Variants in SNX25 observed in about 807,000 individuals in gnomAD.
SNX25 encodes sorting nexin-25.
A neutral mutation model predicts 113.7 loss-of-function variants in SNX25; 62 were observed. The ratio of observed to expected loss-of-function variants is 0.55; its 90% CI spans 0.44 to 0.67. The LOEUF is 0.67. SNX25 is among the 30% of genes least tolerant of loss of function. SNX25 has a pLI of 0.00. For synonymous variants in SNX25, 421 were observed against 436.2 expected (o/e 0.97, Z 0.43); for missense variants, 1,014 against 1,161.0 (o/e 0.87, Z 1.84).
At chr4:185,231,740 T>G (rs530294533) in intron 1 of SNX25, among the ~76,000 whole-genome samples, 1 of 151,984 alleles carries the variant, frequency 6.6e-6, no homozygotes, top group African/African-American at 2.4e-5. Context: ...GGATTTATTC[T>G]TTGAATGTCA....
At chr4:185,293,094 A>G (rs1185054957) in intron 6 of SNX25, among the ~76,000 whole-genome samples, 2 of 152,254 alleles carry the variant, frequency 1.3e-5, no homozygotes, top group Non-Finnish European at 2.9e-5. Context: ...CCCAGTTGAA[A>G]CTAACACAGG....
intron 5 of SNX25, among the ~76,000 whole-genome samples, chr4:185,273,251 T>G (rs955844587): frequency 2.6e-5 from 4 of 152,206 alleles, no homozygotes; most frequent in African/African-American, 9.7e-5. Context: ...CCAATAAAAA[T>G]TCTGTATATT....
intron 5 of SNX25, among the ~76,000 whole-genome samples, chr4:185,284,637 T>C (rs12641710): frequency 0.37 from 56,264 of 151,850 alleles, 11,354 homozygotes; most frequent in East Asian, 0.56. Context: ...GAAGGGAACG[T>C]AGGCAGGAAT....
intron 1 of SNX25, among the ~76,000 whole-genome samples, chr4:185,212,489 G>GTTTT (rs1414842289): frequency 0.011 from 477 of 43,308 alleles, 9 homozygotes; most frequent in African/African-American, 0.031. Flanking sequence ...GTGTGTGTGT[G>GTTTT]TGTTTTTTTT....
intron 2 of SNX25, among the ~76,000 whole-genome samples, chr4:185,256,689 T>C (rs1746487387): frequency 6.8e-6 from 1 of 147,778 alleles, no homozygotes; most frequent in Admixed American, 7.0e-5. Flanking sequence ...GCAGTGGCGC[T>C]GTCTTGACTC....
At chr4:185,333,635 CAAAGAAAAAGCAAA>C (rs2095210861) in intron 10 of SNX25, among the ~76,000 whole-genome samples, 1 of 151,894 alleles carries the variant, frequency 6.6e-6, no homozygotes, top group African/African-American at 2.4e-5. Context: ...TTTTCTTTAA[CAAAGAAAAAGCAAA>C]AAAGAAGAAG....
Position 185,353,523 on chromosome 4 carries a change from T to C in SNX25, c.2505T>C (p.Gly835=). The change falls in exon 15 of 19, where the codon GGT becomes GGC. Residue 835 remains glycine, a synonymous_variant. Transcript: ENST00000652585. ...AGGACAGTGACCTGTCAGATTATGG[T>C]GATGATGTGGATGGGAGGAAAGACG... ...TEEDSDLSDY[G]DDVDGRKDAL... is the part of the protein sequence containing the mutation. 6.2e-7 allele frequency: 1 copy of C among 1,614,144 alleles called. No homozygotes were observed. The highest frequency in any genetic ancestry group is 8.5e-7 in the Non-Finnish European group (1 of 1,180,020).
chr4:185,205,818 G>C (rs995137842), upstream of SNX25, among the ~76,000 whole-genome samples: 4 of 152,110 alleles, frequency 2.6e-5, no homozygotes, highest in Non-Finnish European at 4.4e-5. Flanking sequence ...GACAGAGCAA[G>C]CCCCTGTCTC....
chr4:185,326,565 T>G (rs1466482267), intron 9 of SNX25, among the ~76,000 whole-genome samples: 1 of 152,214 alleles, frequency 6.6e-6, no homozygotes, highest in Admixed American at 6.5e-5. Context: ...TAATTACTAC[T>G]GATAACATAC....
intron 14 of SNX25, 53 bp downstream of exon 14, chr4:185,351,662 AGCTCATGCTCCTCAT>A: frequency 1.3e-5 from 20 of 1,577,536 alleles, no homozygotes; most frequent in Non-Finnish European, 1.7e-5. Context: ...GCAGATACTA[AGCTCATGCTCCTCAT>A]GGGGGGAAGC....
chr4:185,212,491 G>GTGTTTTTGTT (rs546083196), intron 1 of SNX25, among the ~76,000 whole-genome samples: 16 of 104,938 alleles, frequency 1.5e-4, no homozygotes, highest in Non-Finnish European at 2.4e-4. Flanking sequence ...GTGTGTGTGT[G>GTGTTTTTGTT]TTTTTTTTTT....
chr4:185,254,411 C>T (rs1478232094), intron 2 of SNX25, among the ~76,000 whole-genome samples: 2 of 152,076 alleles, frequency 1.3e-5, no homozygotes, highest in Non-Finnish European at 2.9e-5. Flanking sequence ...GAGACCCAGG[C>T]GTGGACTTTC....
downstream of SNX25, among the ~76,000 whole-genome samples, chr4:185,372,490 A>C (rs2095419276): frequency 6.6e-6 from 1 of 152,254 alleles, no homozygotes; most frequent in Non-Finnish European, 1.5e-5. Context: ...GATTTGGCAT[A>C]GAACATGTAG....
At chr4:185,213,666 G>C (rs905873565) in intron 1 of SNX25, among the ~76,000 whole-genome samples, 59 of 152,246 alleles carry the variant, frequency 3.9e-4, no homozygotes, top group African/African-American at 1.2e-3. Context: ...CTGAGCCTCA[G>C]ATTTACTAGC....
chr4:185,247,242 TGTGA>T, intron 1 of SNX25, 48 bp from the exon 2 acceptor site: 1 of 1,210,280 alleles, frequency 8.3e-7, no homozygotes. Context: ...TTTTTTTTTA[TGTGA>T]TTTATTCATT....
At chr4:185,228,736 T>A (rs1158590552) in intron 1 of SNX25, among the ~76,000 whole-genome samples, 1 of 152,010 alleles carries the variant, frequency 6.6e-6, no homozygotes, top group African/African-American at 2.4e-5. Flanking sequence ...GATAAAAGGT[T>A]TGGAAAAAAC....
intron 10 of SNX25, among the ~76,000 whole-genome samples, chr4:185,339,055 T>C (rs75161522): frequency 0.034 from 5,219 of 152,280 alleles, 230 homozygotes; most frequent in African/African-American, 0.1. Flanking sequence ...AGATTGCTTT[T>C]GGTAGTACTG....
chr4:185,311,318 C>G (rs2095028322), intron 7 of SNX25, among the ~76,000 whole-genome samples: 1 of 152,204 alleles, frequency 6.6e-6, no homozygotes, highest in East Asian at 1.9e-4. Context: ...AAACCCAGAT[C>G]TGACTGGTTT....
the SNX25 span, chr4:185,378,580 C>T: frequency 1.0e-6 from 1 of 1,002,358 alleles, no homozygotes; most frequent in African/African-American, 1.7e-5. Flanking sequence ...GGTACCTTCT[C>T]TGCCCTTGTA....
Sources: allele counts gnomAD v4.1 joint callset (sites outside exome capture counted in the v4.1 genomes callset), GRCh38; gene constraint gnomAD v4.1.1; transcripts MANE v1.5; gene names NCBI Gene and HGNC (gene_info 2026-07-23, HGNC 2026-07-21).